IL12B: variants seen among roughly 807,000 people sequenced by gnomAD.
The protein encoded by IL12B is interleukin-12 subunit beta.
IL12B carries 27 observed loss-of-function variants against 39.2 expected under a neutral mutation model. The observed-to-expected ratio is 0.69, with a 90% CI of 0.51 to 0.95. IL12B has a LOEUF of 0.95. Among genes scored for constraint, IL12B ranks in the 40% least tolerant of loss-of-function variants. IL12B has a pLI of 0.00. For missense variants in IL12B, 351 were observed against 397.6 expected (o/e 0.88, Z 1.00); for synonymous variants, 142 against 152.1 (o/e 0.93, Z 0.49).
rs765124116 is a variant in IL12B, at chr5:159,323,242, G to A, written c.176C>T (p.Thr59Ile). Residue 59 changes from threonine (T) to isoleucine (I), a missense_variant, in exon 3 of 8, where the codon ACC becomes ATC. Transcript: ENST00000231228. ...TCDTPEEDGI[T>I]WTLDQSSEVL... ...CTCACTGCTCTGGTCCAAGGTCCAGGTGATACCATCTTCTTCAGGGGTGTC... is the reference window on the plus strand; with the variant it reads ...CTCACTGCTCTGGTCCAAGGTCCAGATGATACCATCTTCTTCAGGGGTGTC... The A allele has an allele frequency of 1.2e-6, 2 of 1,614,110 alleles. No individual in the cohort carries two copies. Among genetic ancestry groups the A allele is most frequent in the Admixed American group, 3.3e-5 (2 of 60,008 alleles).
At position 159,323,247 on chromosome 5, in the gene IL12B, A is replaced by G. The variant is rs1400511594; in HGVS notation, c.171T>C (p.Gly57=). 1.9e-6 allele frequency: 3 copies of G among 1,614,070 alleles called. No individual in the cohort carries two copies. Among genetic ancestry groups the G allele is most frequent in the Non-Finnish European group, 2.5e-6 (3 of 1,179,970 alleles). The change falls in exon 3 of 8, where the codon GGT becomes GGC. Residue 57 remains glycine (G), a synonymous_variant. Coordinates refer to ENST00000231228, the MANE Select transcript of IL12B (RefSeq NM_002187.3). ...VLTCDTPEED[G]ITWTLDQSSE... is the part of the protein sequence containing the mutation. ...TGCTCTGGTCCAAGGTCCAGGTGATACCATCTTCTTCAGGGGTGTCACAGG... is the reference window on the plus strand; with the variant it reads ...TGCTCTGGTCCAAGGTCCAGGTGATGCCATCTTCTTCAGGGGTGTCACAGG...
At chr5:159,318,653 A>G in intron 6 of IL12B, 83 bp downstream of exon 6, 1 of 1,213,650 alleles carries the variant, frequency 8.2e-7, no homozygotes, top group East Asian at 2.3e-5. Context: ...TGTCATTGTT[A>G]TTATCATCAT....
intron 5 of IL12B, among the ~76,000 whole-genome samples, chr5:159,319,515 T>C (rs903711677): frequency 6.6e-6 from 1 of 152,206 alleles, no homozygotes; most frequent in Non-Finnish European, 1.5e-5. Context: ...GTCTTCTAGA[T>C]AAGAGGAGGC....
At chr5:159,319,852 A>C (rs1364765389) in intron 5 of IL12B, among the ~76,000 whole-genome samples, 1 of 151,986 alleles carries the variant, frequency 6.6e-6, no homozygotes, top group African/African-American at 2.4e-5. Flanking sequence ...CTGCCAATTA[A>C]AAAAAAAGAT....
At chr5:159,319,698 C>T (rs928794480) in intron 5 of IL12B, among the ~76,000 whole-genome samples, 1 of 152,216 alleles carries the variant, frequency 6.6e-6, no homozygotes, top group African/African-American at 2.4e-5. Flanking sequence ...CCTTCCTTGG[C>T]CACCCTATGT....
intron 6 of IL12B, 131 bp from the exon 7 acceptor site, chr5:159,316,947 A>G (rs1562111155): frequency 2.9e-5 from 29 of 985,878 alleles, no homozygotes; most frequent in Non-Finnish European, 4.4e-5. Context: ...CTTGCAATTC[A>G]CAGGGGTGTG....
In IL12B at chr5:159,317,170, C is replaced by T. The variant is rs530273402; in HGVS notation, c.856-354G>A. Among the ~76,000 whole-genome samples, 14 of 152,312 alleles carry T rather than the reference C, an allele frequency of 9.2e-5. No individual in the cohort carries two copies. In the South Asian group the frequency reaches 2.7e-3, roughly 29 times the overall value. Reference sequence around the variant, plus strand: ...GCCATCCCTGAGATATTGAGAAATACCATATCCTGATCATTTCATCAGAAA... The same window carrying T: ...GCCATCCCTGAGATATTGAGAAATATCATATCCTGATCATTTCATCAGAAA... On this transcript the variant is annotated intron_variant, in intron 6 of 7. Coordinates refer to ENST00000231228, the MANE Select transcript of IL12B (RefSeq NM_002187.3).
intron 1 of IL12B, among the ~76,000 whole-genome samples, chr5:159,328,923 C>G (rs1024290796): frequency 6.6e-6 from 1 of 152,210 alleles, no homozygotes; most frequent in Non-Finnish European, 1.5e-5. Flanking sequence ...TCCTTTGGCT[C>G]TCTGGCCCAT....
chr5:159,327,465 G>T (rs1402981551), intron 1 of IL12B, among the ~76,000 whole-genome samples: 1 of 152,160 alleles, frequency 6.6e-6, no homozygotes, highest in Non-Finnish European at 1.5e-5. Flanking sequence ...TGCTGTAGGG[G>T]TTTAGCTTCT....
chr5:159,318,930 A>G (rs1351639839), intron 5 of IL12B, 37 bp from the exon 6 acceptor site: 11 of 1,590,634 alleles, frequency 6.9e-6, no homozygotes, highest in Non-Finnish European at 9.5e-6. Flanking sequence ...TTTTCCTAAT[A>G]AGGCTTTGGA....
chr5:159,316,916 T>G (rs1754000349), intron 6 of IL12B, 100 bp from the exon 7 acceptor site: 1 of 1,399,360 alleles, frequency 7.1e-7, no homozygotes, highest in Non-Finnish European at 1.0e-6. Context: ...AACAAGCCCA[T>G]CTTGGTCTTA....
chr5:159,328,495 T>C (rs1184607795), intron 1 of IL12B, among the ~76,000 whole-genome samples: 1 of 152,196 alleles, frequency 6.6e-6, no homozygotes, highest in Non-Finnish European at 1.5e-5. Context: ...TGAGATAACA[T>C]ATTATAGAAG....
At position 159,315,486 on chromosome 5, in the gene IL12B, A is replaced by T. The variant is rs1369772925; in HGVS notation, c.*615T>A. ...TTGCTTAGAAGTGTAAGTGGCCCTA[A>T]ATTGCTTTATCAACACCATCTCCAG... On this transcript the variant is annotated 3_prime_UTR_variant, in exon 8 of 8. Coordinates refer to ENST00000231228, the MANE Select transcript of IL12B (RefSeq NM_002187.3). 6.6e-6 allele frequency: 1 copy of T among 152,342 alleles called. No individual in the cohort carries two copies. Among genetic ancestry groups the T allele is most frequent in the Non-Finnish European group, 1.5e-5 (1 of 68,024 alleles). 9.4% of individuals were successfully genotyped at this position (152,342 alleles called of 1,614,324 possible). A position where few individuals can be genotyped will look rare whatever the true frequency, so the allele number is the denominator to read the frequency against.
At chr5:159,326,914 T>C in intron 1 of IL12B, 132 bp from the exon 2 acceptor site, 1 of 698,896 alleles carries the variant, frequency 1.4e-6, no homozygotes, top group Non-Finnish European at 2.6e-6. Context: ...CTACTTTTTT[T>C]TTAAATAAAA....
rs1352483729 is a variant in IL12B, at chr5:159,315,639, A to G, written c.*462T>C. The G allele has an allele frequency of 6.5e-6, 1 of 152,772 alleles. No homozygotes were observed. The highest frequency in any genetic ancestry group is 2.4e-5 in the African/African-American group (1 of 41,444). The allele number at this position is 152,772 out of a possible 1,614,324, so 9.5% of individuals were successfully genotyped here. ...ATCACAAGTGTATGATGGCACTGGT[A>G]TCAGAACACTGCATTCTTCCTGATT... On this transcript the variant is annotated 3_prime_UTR_variant, in exon 8 of 8. Transcript: ENST00000231228.
chr5:159,318,214 A>T (rs993797834), intron 6 of IL12B: 1 of 155,826 alleles, frequency 6.4e-6, no homozygotes. Flanking sequence ...AAACAAGAAT[A>T]ACATCAGCTA....
intron 3 of IL12B, 22 bp downstream of exon 3, chr5:159,323,032 C>T (rs1307855111): frequency 1.9e-6 from 3 of 1,610,880 alleles, no homozygotes; most frequent in African/African-American, 1.3e-5. Context: ...AAAATTGATA[C>T]TATCCAAGGG....
intron 7 of IL12B, 122 bp downstream of exon 7, chr5:159,316,563 T>C: frequency 1.0e-6 from 1 of 996,764 alleles, no homozygotes; most frequent in South Asian, 1.4e-5. Context: ...TGTTTCTGAT[T>C]CTGGCAACTG....
intron 2 of IL12B, among the ~76,000 whole-genome samples, chr5:159,325,959 T>C (rs1754182179): frequency 6.6e-6 from 1 of 152,228 alleles, no homozygotes; most frequent in Admixed American, 6.5e-5. Context: ...AACTATTCTA[T>C]TAGTCTACTA....
Sources: gnomAD v4.1 joint callset for allele counts (sites outside exome capture counted in the v4.1 genomes callset) on GRCh38, gnomAD v4.1.1 for gene constraint, MANE v1.5 for transcripts, NCBI Gene and HGNC (gene_info 2026-07-23, HGNC 2026-07-21) for gene names.